CEP112: variants seen among roughly 807,000 people sequenced by gnomAD.
CEP112 encodes centrosomal protein of 112 kDa.
CEP112 carries 127 observed loss-of-function variants against 153.0 expected under a neutral mutation model. That is an observed-to-expected ratio of 0.83 (90% CI 0.72 to 0.96). The LOEUF is 0.96. CEP112 is among the 40% of genes least tolerant of loss of function. CEP112 has a pLI of 0.00. For synonymous variants in CEP112, 358 were observed against 374.4 expected (o/e 0.96, Z 0.51); for missense variants, 1,089 against 1,101.2 (o/e 0.99, Z 0.16).
chr17:66,107,867 G>A (rs1487950279), intron 6 of CEP112, among the ~76,000 whole-genome samples: 2 of 151,980 alleles, frequency 1.3e-5, no homozygotes, highest in South Asian at 2.1e-4. Context: ...GAATAAAACT[G>A]GAGTAATCAC....
intron 18 of CEP112, among the ~76,000 whole-genome samples, chr17:65,951,309 T>C (rs542409272): frequency 1.4e-4 from 21 of 152,298 alleles, no homozygotes; most frequent in Admixed American, 1.1e-3. Context: ...AGAATTAAAA[T>C]TATTTCTTCT....
chr17:65,906,106 T>C (rs1243119440), intron 19 of CEP112, among the ~76,000 whole-genome samples: 3 of 152,166 alleles, frequency 2.0e-5, no homozygotes, highest in Non-Finnish European at 2.9e-5. Flanking sequence ...GATGAGTTCA[T>C]GTCCTTTGCA....
At chr17:65,957,426 T>G (rs1160635691) in intron 18 of CEP112, among the ~76,000 whole-genome samples, 2 of 152,320 alleles carry the variant, frequency 1.3e-5, no homozygotes, top group East Asian at 3.9e-4. Flanking sequence ...GATTGAGTAC[T>G]CTTGCCTTTA....
At chr17:66,106,676 T>C (rs914135434) in intron 6 of CEP112, among the ~76,000 whole-genome samples, 4 of 151,932 alleles carry the variant, frequency 2.6e-5, no homozygotes, top group Admixed American at 6.6e-5. Flanking sequence ...AAGAAAAGCC[T>C]AGGACCCAAT....
intron 22 of CEP112, among the ~76,000 whole-genome samples, chr17:65,748,850 T>G (rs2051631092): frequency 6.6e-6 from 1 of 152,196 alleles, no homozygotes; most frequent in Non-Finnish European, 1.5e-5. Context: ...CTTCATACAT[T>G]CCTTTAGATA....
chr17:66,058,087 T>TA (rs67980104), intron 11 of CEP112, among the ~76,000 whole-genome samples: 5 of 148,060 alleles, frequency 3.4e-5, no homozygotes, highest in Non-Finnish European at 6.0e-5. Flanking sequence ...GGCAAGACTC[T>TA]AAAAAAAACA....
chr17:65,791,318 G>A (rs1371713495), intron 21 of CEP112, among the ~76,000 whole-genome samples: 2 of 152,194 alleles, frequency 1.3e-5, no homozygotes, highest in Non-Finnish European at 2.9e-5. Flanking sequence ...TGATGCCAGA[G>A]TAACAGGAGA....
At chr17:65,829,340 AT>A (rs960344027) in intron 21 of CEP112, among the ~76,000 whole-genome samples, 18 of 151,592 alleles carry the variant, frequency 1.2e-4, no homozygotes, top group African/African-American at 3.2e-4. Flanking sequence ...CCCATAGAGA[AT>A]TTTTTTTTCC....
intron 4 of CEP112, among the ~76,000 whole-genome samples, chr17:66,136,483 C>T (rs914461405): frequency 6.6e-6 from 1 of 151,480 alleles, no homozygotes; most frequent in African/African-American, 2.4e-5. Flanking sequence ...ACCCCTGGCT[C>T]AGCACAATTA....
At chr17:65,997,867 T>C (rs1598053931) in intron 17 of CEP112, among the ~76,000 whole-genome samples, 1 of 151,920 alleles carries the variant, frequency 6.6e-6, no homozygotes, top group Admixed American at 6.6e-5. Flanking sequence ...GAAAGCAAAG[T>C]AACCAGGAAG....
chr17:65,942,048 C>T (rs2061521169), intron 18 of CEP112, among the ~76,000 whole-genome samples: 1 of 152,224 alleles, frequency 6.6e-6, no homozygotes. Flanking sequence ...AACAAGGGGT[C>T]CCCAACCCCC....
At chr17:65,933,455 T>C (rs952719526) in intron 18 of CEP112, among the ~76,000 whole-genome samples, 1 of 152,152 alleles carries the variant, frequency 6.6e-6, no homozygotes, top group African/African-American at 2.4e-5. Context: ...ACATATCACA[T>C]ACAAGGGAGT....
chr17:65,649,078 ACACACACACAC>A (rs1567808361), intron 24 of CEP112, among the ~76,000 whole-genome samples: 5,023 of 144,528 alleles, frequency 0.035, 100 homozygotes, highest in Middle Eastern at 0.046. Context: ...AAACAAACAC[ACACACACACAC>A]ACACACACAC....
chr17:66,000,492 TAAAA>T (rs74269525), intron 17 of CEP112, among the ~76,000 whole-genome samples: 1 of 139,842 alleles, frequency 7.2e-6, no homozygotes, highest in African/African-American at 2.6e-5. Flanking sequence ...GTCAGTAGAT[TAAAA>T]AAAAAAAAAA....
At chr17:65,723,075 T>A (rs1194880439) in intron 23 of CEP112, among the ~76,000 whole-genome samples, 1 of 152,226 alleles carries the variant, frequency 6.6e-6, no homozygotes, top group African/African-American at 2.4e-5. Flanking sequence ...TTCCGAAGAA[T>A]ACATGTGCTT....
intron 23 of CEP112, among the ~76,000 whole-genome samples, chr17:65,699,520 A>G (rs914296246): frequency 6.6e-6 from 1 of 152,106 alleles, no homozygotes; most frequent in South Asian, 2.1e-4. Context: ...AGGGCTGGTC[A>G]CCACTGTTGC....
At chr17:65,645,719 C>A (rs1312846183) in intron 24 of CEP112, among the ~76,000 whole-genome samples, 1 of 152,186 alleles carries the variant, frequency 6.6e-6, no homozygotes, top group East Asian at 1.9e-4. Context: ...TTAGTCTGAA[C>A]CTTCCTCCTG....
chr17:65,885,069 T>C (rs2059228825), intron 20 of CEP112, among the ~76,000 whole-genome samples: 1 of 152,146 alleles, frequency 6.6e-6, no homozygotes, highest in East Asian at 1.9e-4. Context: ...AAGAATGTTG[T>C]ATAATTATTA....
intron 21 of CEP112, among the ~76,000 whole-genome samples, chr17:65,793,704 G>T (rs2145750585): frequency 6.6e-6 from 1 of 152,202 alleles, no homozygotes; most frequent in African/African-American, 2.4e-5. Flanking sequence ...TATGAAAACT[G>T]GATCTAAAAT....
Sources: gnomAD v4.1 joint callset for allele counts (sites outside exome capture counted in the v4.1 genomes callset) on GRCh38, gnomAD v4.1.1 for gene constraint, MANE v1.5 for transcripts, NCBI Gene and HGNC (gene_info 2026-07-23, HGNC 2026-07-21) for gene names.